Variants in STK32B observed in about 807,000 individuals in gnomAD.
STK32B encodes the protein serine/threonine kinase 32B, also known as serine/threonine-protein kinase 32B.
A neutral mutation model predicts 52.6 loss-of-function variants in STK32B; 43 were observed. The observed-to-expected ratio is 0.82, with a 90% CI of 0.64 to 1.05. The LOEUF is 1.05. Among genes scored for constraint, STK32B ranks in the 50% least tolerant of loss-of-function variants. The pLI, the probability that STK32B is intolerant of heterozygous loss-of-function variation, is 0.00. For missense variants in STK32B, 621 were observed against 534.6 expected, an observed-to-expected ratio of 1.16 and a Z score of -1.59; for synonymous variants, 238 against 204.3, an observed-to-expected ratio of 1.17 and a Z score of -1.41.
the STK32B span, among the ~76,000 whole-genome samples, chr4:5,043,507 C>T: frequency 6.6e-6 from 1 of 152,136 alleles, no homozygotes; most frequent in Non-Finnish European, 1.5e-5. Context: ...GACTGGACAC[C>T]CAGAACACCT....
chr4:5,489,225 T>C (rs530826799), intron 11 of STK32B, among the ~76,000 whole-genome samples: 1 of 152,212 alleles, frequency 6.6e-6, no homozygotes, highest in Non-Finnish European at 1.5e-5. Context: ...TATTAATTTT[T>C]AATAGCTTAC....
intron 1 of STK32B, among the ~76,000 whole-genome samples, chr4:5,102,517 C>CTTCT (rs1331139759): frequency 5.2e-5 from 7 of 133,892 alleles, no homozygotes; most frequent in South Asian, 2.7e-4. Context: ...TCCCTCCTTC[C>CTTCT]TTCTTTCTTT....
chr4:5,173,773 A>G lies in STK32B; in HGVS notation c.260+5323A>G, dbSNP rs561429534. Among the ~76,000 whole-genome samples, 941 of 151,972 alleles carry G rather than the reference A, an allele frequency of 6.2e-3. 2 individuals carry two copies. The highest frequency in any genetic ancestry group is 0.01 in the Non-Finnish European group (697 of 67,948). On this transcript the variant is annotated intron_variant, in intron 3 of 11. Coordinates refer to ENST00000282908, the MANE Select transcript of STK32B (RefSeq NM_018401.3). Reference sequence around the variant, plus strand: ...TGTGGTGTGGTGCTGAAAAGAATGTATATTCTGTTGATTTGGGGTGGAGAG... The same window carrying G: ...TGTGGTGTGGTGCTGAAAAGAATGTGTATTCTGTTGATTTGGGGTGGAGAG...
chr4:5,248,691 G>T (rs922019733), intron 3 of STK32B, among the ~76,000 whole-genome samples: 1 of 152,162 alleles, frequency 6.6e-6, no homozygotes, highest in African/African-American at 2.4e-5. Context: ...GTCCATCAGT[G>T]ATGGACTGGA....
At chr4:5,259,721 G>T (rs1726573113) in intron 3 of STK32B, among the ~76,000 whole-genome samples, 1 of 152,132 alleles carries the variant, frequency 6.6e-6, no homozygotes, top group Non-Finnish European at 1.5e-5. Flanking sequence ...GAAACCATGT[G>T]CTGGGATGAG....
chr4:5,475,150 G>A lies in STK32B; in HGVS notation c.1106+7080G>A, dbSNP rs373257234. 1.6e-4 allele frequency among the ~76,000 whole-genome samples: 24 copies of A among 152,234 alleles called. 1 individual carries two copies. Among genetic ancestry groups the A allele is most frequent in the African/African-American group, 5.8e-4 (24 of 41,550 alleles). On this transcript the variant is annotated intron_variant, in intron 11 of 11. Coordinates refer to ENST00000282908, the MANE Select transcript of STK32B (RefSeq NM_018401.3). ...CGGTTTAAAAAGTGTGGCCAGGCAC[G>A]GTGGCTCACACCTGTAATCCTAGCA...
intron 3 of STK32B, among the ~76,000 whole-genome samples, chr4:5,252,051 C>A (rs2108833580): frequency 6.6e-6 from 1 of 152,184 alleles, no homozygotes; most frequent in East Asian, 1.9e-4. Flanking sequence ...CTGAAGATCC[C>A]CCAACGAGTC....
At chr4:5,430,453 C>A (rs778101559) in intron 6 of STK32B, among the ~76,000 whole-genome samples, 1 of 152,134 alleles carries the variant, frequency 6.6e-6, no homozygotes, top group African/African-American at 2.4e-5. Context: ...TTGAAATCCC[C>A]GTCTGTTAAC....
intron 5 of STK32B, among the ~76,000 whole-genome samples, chr4:5,406,659 G>C (rs1052309471): frequency 1.3e-5 from 2 of 152,152 alleles, no homozygotes; most frequent in Admixed American, 6.5e-5. Context: ...GCACCCTTTG[G>C]AGCAGTGGCC....
chr4:5,242,573 T>G (rs1019872117), intron 3 of STK32B, among the ~76,000 whole-genome samples: 4 of 152,212 alleles, frequency 2.6e-5, no homozygotes, highest in African/African-American at 9.6e-5. Context: ...CAGAAGCTCT[T>G]GAGTTTAATT....
At chr4:5,178,511 C>T (rs1237023811) in intron 3 of STK32B, among the ~76,000 whole-genome samples, 1 of 152,234 alleles carries the variant, frequency 6.6e-6, no homozygotes, top group African/African-American at 2.4e-5. Context: ...ATTACTTATG[C>T]AAATTTCTAC....
At chr4:5,068,499 A>T (rs1711556244) in intron 1 of STK32B, among the ~76,000 whole-genome samples, 1 of 152,136 alleles carries the variant, frequency 6.6e-6, no homozygotes, top group African/African-American at 2.4e-5. Context: ...TTATACCTGG[A>T]GATATGGGGA....
intron 3 of STK32B, among the ~76,000 whole-genome samples, chr4:5,274,933 T>G (rs1358736660): frequency 2.6e-5 from 4 of 152,190 alleles, no homozygotes; most frequent in Non-Finnish European, 5.9e-5. Flanking sequence ...CTTGCCATTG[T>G]TCATGCACGG....
chr4:5,458,574 C>T (rs1049848641), intron 8 of STK32B: 3 of 138,404 alleles, frequency 2.2e-5, no homozygotes, highest in African/African-American at 7.8e-5. Flanking sequence ...TTAATCCCTA[C>T]ATGGCTATAA....
chr4:5,310,035 A>T (rs1218792151), intron 3 of STK32B, among the ~76,000 whole-genome samples: 1 of 152,050 alleles, frequency 6.6e-6, no homozygotes, highest in African/African-American at 2.4e-5. Context: ...GCGTGGTGGC[A>T]AGTTGCTGCA....
intron 4 of STK32B, among the ~76,000 whole-genome samples, chr4:5,335,747 T>A (rs887580348): frequency 2.0e-5 from 3 of 152,250 alleles, no homozygotes; most frequent in East Asian, 3.9e-4. Context: ...CCCGGTAGTC[T>A]TTCAGGAGCA....
rs746855561 is a variant in STK32B at position 5,094,103 on chromosome 4, T to A, written c.52+42188T>A. Among the ~76,000 whole-genome samples, 10 of 152,120 alleles carry A rather than the reference T, an allele frequency of 6.6e-5. 1 individual carries two copies. Among genetic ancestry groups the A allele is most frequent in the Non-Finnish European group, 1.0e-4 (7 of 68,024 alleles). On this transcript the variant is annotated intron_variant, in intron 1 of 11. Coordinates refer to ENST00000282908, the MANE Select transcript of STK32B (RefSeq NM_018401.3). Reference sequence around the variant, plus strand: ...TGTGAAATACCTCTTTATCTTACATTGAAAGTGCAGCTGTTATATGGGTGC... The same window carrying A: ...TGTGAAATACCTCTTTATCTTACATAGAAAGTGCAGCTGTTATATGGGTGC...
chr4:5,218,724 C>G (rs989100092), intron 3 of STK32B, among the ~76,000 whole-genome samples: 1 of 152,218 alleles, frequency 6.6e-6, no homozygotes, highest in Non-Finnish European at 1.5e-5. Flanking sequence ...AAACTTAAAC[C>G]AGTAACACAT....
intron 4 of STK32B, among the ~76,000 whole-genome samples, chr4:5,379,966 G>A (rs1735835611): frequency 6.6e-6 from 1 of 152,182 alleles, no homozygotes; most frequent in Admixed American, 6.5e-5. Flanking sequence ...ACAGTTCAGA[G>A]CAGCTTAAGG....
Sources: gnomAD v4.1 joint callset for allele counts (sites outside exome capture counted in the v4.1 genomes callset) on GRCh38, gnomAD v4.1.1 for gene constraint, MANE v1.5 for transcripts, NCBI Gene and HGNC (gene_info 2026-07-23, HGNC 2026-07-21) for gene names.